Variants in MICAL2 observed in about 807,000 individuals in gnomAD.
MICAL2 encodes [F-actin]-monooxygenase MICAL2.
MICAL2 carries 77 observed loss-of-function variants against 127.3 expected under a neutral mutation model. The observed-to-expected ratio is 0.60, with a 90% confidence interval of 0.50 to 0.73. The LOEUF is 0.73. Among genes scored for constraint, MICAL2 ranks in the 30% least tolerant of loss-of-function variants. MICAL2 has a pLI of 0.00. For missense variants in MICAL2, 1,351 were observed against 1,434.4 expected, an observed-to-expected ratio of 0.94 and a Z score of 0.94; for synonymous variants, 570 against 551.1, an observed-to-expected ratio of 1.03 and a Z score of -0.48.
intron 7 of MICAL2, 103 bp downstream of exon 7, chr11:12,213,513 G>A (rs1855782960): frequency 8.4e-7 from 1 of 1,186,810 alleles, no homozygotes; most frequent in Non-Finnish European, 1.2e-6. Flanking sequence ...GGGCCTCGAG[G>A]GACTCACTCT....
intron 1 of MICAL2, among the ~76,000 whole-genome samples, chr11:12,128,000 A>C (rs1037597771): frequency 6.6e-6 from 1 of 152,238 alleles, no homozygotes; most frequent in African/African-American, 2.4e-5. Flanking sequence ...CCTGACATAT[A>C]ATAAGTGCCT....
At chr11:12,352,553 T>C (rs1939068327) in intron 33 of MICAL2, among the ~76,000 whole-genome samples, 3 of 152,200 alleles carry the variant, frequency 2.0e-5, no homozygotes, top group African/African-American at 7.2e-5. Context: ...AACTTTGACA[T>C]GTGAACTAGA....
intron 32 of MICAL2, among the ~76,000 whole-genome samples, chr11:12,332,848 T>C (rs1274523295): frequency 6.6e-6 from 1 of 152,204 alleles, no homozygotes; most frequent in Non-Finnish European, 1.5e-5. Context: ...ATTCTCTACC[T>C]GACTAGTTAG....
chr11:12,162,612 G>A (rs768519435), intron 3 of MICAL2, among the ~76,000 whole-genome samples, 193 bp downstream of exon 3: 17 of 152,188 alleles, frequency 1.1e-4, no homozygotes, highest in African/African-American at 3.1e-4. Flanking sequence ...CCCTCCACTC[G>A]TGCCCTCTCC....
rs975639680 is a variant in MICAL2, at chr11:12,213,473, C to G, written c.847+63C>G. On this transcript the variant is annotated intron_variant, in intron 7 of 27. Transcript: ENST00000683283. ...TAAAGTTTGCAGTTTCTAAAGTGTG[C>G]AGAGGCGTGTGCTGGCTTTCTGGGC... 85 of 1,532,526 alleles carry G rather than the reference C, an allele frequency of 5.5e-5. No homozygotes were observed. The East Asian group carries it at 9.1e-4, about 16-fold the overall frequency. 94.9% of individuals were successfully genotyped at this position (1,532,526 alleles called of 1,614,324 possible).
At chr11:12,146,673 A>C (rs181136129) in intron 2 of MICAL2, among the ~76,000 whole-genome samples, 31 of 152,318 alleles carry the variant, frequency 2.0e-4, no homozygotes, top group Middle Eastern at 6.8e-3. Context: ...AAGGATCTAG[A>C]ACTAGAAATA....
chr11:12,321,225 C>T (rs1285969307), intron 30 of MICAL2, among the ~76,000 whole-genome samples: 4 of 152,128 alleles, frequency 2.6e-5, no homozygotes, highest in Non-Finnish European at 5.9e-5. Context: ...TGGCTTCTGA[C>T]CTGGCCCACT....
At chr11:12,111,378 G>T (rs990564938) in intron 1 of MICAL2, among the ~76,000 whole-genome samples, 117 of 152,256 alleles carry the variant, frequency 7.7e-4, no homozygotes, top group African/African-American at 2.6e-3. Flanking sequence ...CCCCCGCAGG[G>T]TGTCCGCGGC....
intron 32 of MICAL2, among the ~76,000 whole-genome samples, chr11:12,330,623 G>T (rs573321274): frequency 6.6e-6 from 1 of 152,242 alleles, no homozygotes; most frequent in South Asian, 2.1e-4. Flanking sequence ...GCTCCTCATT[G>T]TCGTGACAAC....
At chr11:12,264,123 G>A (rs76045682), downstream of MICAL2, among the ~76,000 whole-genome samples, 54 of 152,202 alleles carry the variant, frequency 3.5e-4, no homozygotes, top group South Asian at 8.3e-4. Context: ...CGTTTCCCCC[G>A]CACACCCAAG....
At chr11:12,257,426 G>A (rs1862476130) in intron 24 of MICAL2, among the ~76,000 whole-genome samples, 1 of 152,204 alleles carries the variant, frequency 6.6e-6, no homozygotes, top group Non-Finnish European at 1.5e-5. Context: ...CCTCTGATAA[G>A]TGGCCTAACA....
chr11:12,124,388 G>T (rs769147806), intron 1 of MICAL2, among the ~76,000 whole-genome samples: 1 of 152,116 alleles, frequency 6.6e-6, no homozygotes, highest in South Asian at 2.1e-4. Context: ...GACCTAAGAC[G>T]CCTTTCTGAA....
At chr11:12,303,412 A>G (rs1864071901) in intron 29 of MICAL2, 3 of 152,208 alleles carry the variant, frequency 2.0e-5, no homozygotes, top group Admixed American at 2.0e-4. Context: ...AATTTTAATT[A>G]ATTTAAATTT....
intron 32 of MICAL2, among the ~76,000 whole-genome samples, chr11:12,330,798 A>AGAGACAGAGAGAGAGAGAGAGG (rs1864407709): frequency 7.3e-6 from 1 of 136,076 alleles, no homozygotes; most frequent in Non-Finnish European, 1.7e-5. Context: ...AGAGAGAGAG[A>AGAGACAGAGAGAGAGAGAGAGG]GAGAGACAGA....
upstream of MICAL2, among the ~76,000 whole-genome samples, chr11:12,275,094 G>C (rs998955954): frequency 1.3e-5 from 2 of 152,192 alleles, no homozygotes; most frequent in Non-Finnish European, 2.9e-5. Context: ...AATGAAGAAC[G>C]AAAGGACAAG....
intron 24 of MICAL2, 35 bp downstream of exon 24, chr11:12,257,006 G>GCCTTGGCCTCAGGTGTGA: frequency 6.3e-7 from 1 of 1,581,278 alleles, no homozygotes; most frequent in South Asian, 1.2e-5. Context: ...CTGGGCTCTG[G>GCCTTGGCCTCAGGTGTGA]CCTTGGCCTC....
chr11:12,332,010 G>T (rs1938641946), intron 32 of MICAL2, among the ~76,000 whole-genome samples: 1 of 152,092 alleles, frequency 6.6e-6, no homozygotes, highest in Admixed American at 6.5e-5. Context: ...AATTTTGCAT[G>T]CCTGATCCAA....
chr11:12,173,982 G>A (rs913912356), intron 3 of MICAL2, among the ~76,000 whole-genome samples: 15 of 151,646 alleles, frequency 9.9e-5, no homozygotes, highest in African/African-American at 2.7e-4. Context: ...ACATTTTTTC[G>A]TACTGAGTTT....
At chr11:12,221,098 T>C (rs1189219403) in intron 9 of MICAL2, among the ~76,000 whole-genome samples, 1 of 152,236 alleles carries the variant, frequency 6.6e-6, no homozygotes. Flanking sequence ...TTGGGCACTA[T>C]TGTGCATGGA....
Sources: allele counts gnomAD v4.1 joint callset (sites outside exome capture counted in the v4.1 genomes callset), GRCh38; gene constraint gnomAD v4.1.1; transcripts MANE v1.5; gene names NCBI Gene and HGNC (gene_info 2026-07-23, HGNC 2026-07-21).